DIRAS1: variants seen among roughly 807,000 people sequenced by gnomAD.
DIRAS1 encodes DIRAS family GTPase 1.
A neutral mutation model predicts 11.5 loss-of-function variants in DIRAS1; 3 were observed. That is an observed-to-expected ratio of 0.26 (90% CI 0.12 to 0.67). The LOEUF is 0.67. Among genes scored for constraint, DIRAS1 ranks in the 30% least tolerant of loss-of-function variants. The pLI is 0.80. For missense variants in DIRAS1, 212 were observed against 285.3 expected, an observed-to-expected ratio of 0.74 and a Z score of 1.85; for synonymous variants, 128 against 125.8, an observed-to-expected ratio of 1.02 and a Z score of -0.12.
chr19:2,720,866 C>T (rs1187608853), intron 1 of DIRAS1, among the ~76,000 whole-genome samples: 2 of 151,924 alleles, frequency 1.3e-5, no homozygotes, highest in East Asian at 3.9e-4. Context: ...AGCCCAGGGG[C>T]GACCCTTGAC....
In DIRAS1 at chr19:2,716,930, T is replaced by A; in HGVS notation, c.*280A>T. Reference sequence around the variant, plus strand: ...AGCTCCTCTTGCCAGCTCCCCATCCTGTTTTCCCATCTGCAGGACAAGGGG... The same window carrying A: ...AGCTCCTCTTGCCAGCTCCCCATCCAGTTTTCCCATCTGCAGGACAAGGGG... On this transcript the variant is annotated 3_prime_UTR_variant, in exon 2 of 2. Coordinates refer to ENST00000323469, the MANE Select transcript of DIRAS1 (RefSeq NM_145173.4). 1 of 419,766 alleles carries A rather than the reference T, an allele frequency of 2.4e-6. No homozygotes were observed. Among genetic ancestry groups the A allele is most frequent in the Non-Finnish European group, 4.2e-6 (1 of 236,184 alleles). The allele number at this position is 419,766 out of a possible 1,614,324, so 26.0% of individuals were successfully genotyped here. A position where few individuals can be genotyped will look rare whatever the true frequency, so the allele number is the denominator to read the frequency against.
rs916949696 is a variant in DIRAS1, at chr19:2,715,768, A to T, written c.*1442T>A. On this transcript the variant is annotated 3_prime_UTR_variant, in exon 2 of 2. Coordinates refer to ENST00000323469, the MANE Select transcript of DIRAS1 (RefSeq NM_145173.4). ...GAGTCATGTTGCTATAGAGTGGAAC[A>T]CAGATCGTGTCCCTCAATCAGGACA... is the stretch of plus-strand genomic sequence containing the variant. The T allele has an allele frequency of 6.6e-5, 10 of 152,374 alleles. No homozygotes were observed. Among genetic ancestry groups the T allele is most frequent in the African/African-American group, 2.2e-4 (9 of 41,584 alleles). 9.4% of individuals were successfully genotyped at this position (152,374 alleles called of 1,614,324 possible).
chr19:2,717,897 A>T, intron 1 of DIRAS1, 22 bp from the exon 2 acceptor site: 1 of 1,338,726 alleles, frequency 7.5e-7, no homozygotes, highest in Non-Finnish European at 1.0e-6. Context: ...GGAGGGTCAC[A>T]CGTCAAAGGC....
Position 2,715,242 on chromosome 19 carries a change from G to C in DIRAS1, c.*1968C>G, listed in dbSNP as rs1008981858. 6.6e-6 allele frequency: 1 copy of C among 151,950 alleles called. No homozygotes were observed. Among genetic ancestry groups the C allele is most frequent in the East Asian group, 1.9e-4 (1 of 5,200 alleles). 9.4% of individuals were successfully genotyped at this position (151,950 alleles called of 1,614,324 possible). On this transcript the variant is annotated 3_prime_UTR_variant, in exon 2 of 2. Coordinates refer to ENST00000323469, the MANE Select transcript of DIRAS1 (RefSeq NM_145173.4). The stretch of plus-strand genomic sequence containing the variant: ...TCCCACCTGGCCACATGACTACAGA[G>C]ACACATGTGTGCAATCTCTCTCTCT...
At chr19:2,719,383 A>G (rs1913901370) in intron 1 of DIRAS1, among the ~76,000 whole-genome samples, 1 of 151,980 alleles carries the variant, frequency 6.6e-6, no homozygotes, top group Non-Finnish European at 1.5e-5. Context: ...TCCTTAGAAT[A>G]GCACTTCCTG....
At position 2,717,244 on chromosome 19, in the gene DIRAS1, G is replaced by T; in HGVS notation, c.563C>A (p.Thr188Lys). The change falls in exon 2 of 2, where the codon ACA (threonine) becomes AAA (lysine). Residue 188 changes from threonine (T) to lysine (K), a missense_variant. Around this residue, in one of 2 missense-constraint regions of DIRAS1, gnomAD observed 84 missense variants for 79.9 expected, o/e 1.05. Coordinates refer to ENST00000323469, the MANE Select transcript of DIRAS1 (RefSeq NM_145173.4). ...GGTGCATTTGCCCTTGACGCGGTCT[G>T]TCCTCTTCTGCTTCCCGGAGCGCTT... ...DGKRSGKQKR[T>K]DRVKGKCTLM The T allele has an allele frequency of 6.2e-7, 1 of 1,608,530 alleles. No homozygotes were observed.
In DIRAS1 at chr19:2,718,159, C is replaced by T. The variant is rs1913871976; in HGVS notation, c.-69-284G>A. 2.0e-5 allele frequency among the ~76,000 whole-genome samples: 3 copies of T among 152,332 alleles called. No individual in the cohort carries two copies. The South Asian group carries it at 6.2e-4, about 32-fold the overall frequency. On this transcript the variant is annotated intron_variant, in intron 1 of 1. Transcript: ENST00000323469. This position sits in a 1 kb window ranked among gnomAD's most constrained non-coding sequence, Gnocchi z 4.2. ...GGCGTGGGAGACGCCGGGATGCCCA[C>T]GAAACTCCTTCCCCGGGTGTGGGTG... is the stretch of plus-strand genomic sequence containing the variant.
intron 1 of DIRAS1, among the ~76,000 whole-genome samples, chr19:2,719,800 A>T (rs970859381): frequency 6.6e-6 from 1 of 152,152 alleles, no homozygotes; most frequent in African/African-American, 2.4e-5. Context: ...TGGGGCAAGT[A>T]AGGTGACAAG....
rs182082713 is a variant in DIRAS1, at chr19:2,717,084, C to T, written c.*126G>A. 2.7e-4 allele frequency: 289 copies of T among 1,071,864 alleles called. No homozygotes were observed. In the African/African-American group the frequency reaches 4.3e-3, roughly 16 times the overall value. 66.4% of individuals were successfully genotyped at this position (1,071,864 alleles called of 1,614,324 possible). A position where few individuals can be genotyped will look rare whatever the true frequency, so the allele number is the denominator to read the frequency against. On this transcript the variant is annotated 3_prime_UTR_variant, in exon 2 of 2. Coordinates refer to ENST00000323469, the MANE Select transcript of DIRAS1 (RefSeq NM_145173.4). ...GCAGCGGAGGGGGGGGCGGTGGCCT[C>T]GGTTTCCCCAGCCGAGGTGTCGGAG...
chr19:2,716,291 C>T lies in DIRAS1; in HGVS notation c.*919G>A, dbSNP rs904908055. ...GTGGGGCAGACCTCTGTCCGGGGCG[C>T]CCTCGGATCCTGCTGGTGCTGGCTC... On this transcript the variant is annotated 3_prime_UTR_variant, in exon 2 of 2. Transcript: ENST00000323469. 2 of 152,340 alleles carry T rather than the reference C, an allele frequency of 1.3e-5. No individual in the cohort carries two copies. Among genetic ancestry groups the T allele is most frequent in the Admixed American group, 6.5e-5 (1 of 15,284 alleles). The allele number at this position is 152,340 out of a possible 1,614,324, so 9.4% of individuals were successfully genotyped here.
chr19:2,717,642 G>GCA lies in DIRAS1; in HGVS notation c.163_164dup (p.Thr56AlafsTer62), dbSNP rs919029147. Reference sequence around the variant, plus strand: ...CGGTGGTGTCTGTGATCTGCAGCGTGCACACGCTCTTGTCGCAGCTGATCA... The same window carrying GCA: ...CGGTGGTGTCTGTGATCTGCAGCGTGCACACACGCTCTTGTCGCAGCTGATCA... On this transcript the variant is annotated frameshift_variant, in exon 2 of 2. Coordinates refer to ENST00000323469, the MANE Select transcript of DIRAS1 (RefSeq NM_145173.4). LOFTEE classifies it high-confidence loss of function. The GCA allele has an allele frequency of 6.2e-7, 1 of 1,613,076 alleles. No individual in the cohort carries two copies. The highest frequency in any genetic ancestry group is 8.5e-7 in the Non-Finnish European group (1 of 1,180,016).
chr19:2,719,267 A>AATAC (rs1913898414), intron 1 of DIRAS1: 4 of 152,368 alleles, frequency 2.6e-5, no homozygotes, highest in Admixed American at 2.6e-4. Flanking sequence ...GGTGGGACAC[A>AATAC]AAAATACAAA....
In DIRAS1 at chr19:2,717,559, A is replaced by G; in HGVS notation, c.248T>C (p.Ile83Thr). 1.2e-6 allele frequency: 2 copies of G among 1,613,142 alleles called. No homozygotes were observed. The highest frequency in any genetic ancestry group is 2.2e-5 in the East Asian group (1 of 44,878). Residue 83 changes from isoleucine to threonine, a missense_variant, in exon 2 of 2, where the codon ATC (isoleucine) becomes ACC (threonine). Around this residue, in one of 2 missense-constraint regions of DIRAS1, gnomAD observed 128 missense variants for 205.3 expected, o/e 0.62. Coordinates refer to ENST00000323469, the MANE Select transcript of DIRAS1 (RefSeq NM_145173.4). ...RLSISKGHAF[I>T]LVFSVTSKQS... ...CTTGCTGGTGACGGAGAACACCAGG[A>G]TGAAGGCGTGGCCCTTGGAGATGGA...
intron 1 of DIRAS1, among the ~76,000 whole-genome samples, chr19:2,720,421 G>C (rs985116938): frequency 2.0e-5 from 3 of 152,250 alleles, no homozygotes; most frequent in African/African-American, 7.2e-5. Context: ...CCACCGCCTG[G>C]GGGGTGCGGG....
Position 2,717,657 on chromosome 19 carries a change from G to T in DIRAS1, c.150C>A (p.Cys50Ter). 1.9e-6 allele frequency: 3 copies of T among 1,612,998 alleles called. No homozygotes were observed. Among genetic ancestry groups the T allele is most frequent in the Non-Finnish European group, 1.7e-6 (2 of 1,180,020 alleles). ...TCTGCAGCGTGCACACGCTCTTGTC[G>T]CAGCTGATCACCTGCCGGTAGGTGT... ...IEDTYRQVIS[C>*]DKSVCTLQIT... The change falls in exon 2 of 2, where the codon TGC (cysteine) becomes TGA (stop). Residue 50 changes from cysteine (C) to a stop codon, truncating the protein, a stop_gained. Transcript: ENST00000323469. LOFTEE classifies it high-confidence loss of function.
rs1263084281 is a variant in DIRAS1, at chr19:2,714,935, G to A, written c.*2275C>T. ...AGCCTCACTCTCTCCGGCACCTTCA[G>A]AACCCAGAAGCTACTGCCAGGACAG... On this transcript the variant is annotated 3_prime_UTR_variant, in exon 2 of 2. Transcript: ENST00000323469. 1 of 152,708 alleles carries A rather than the reference G, an allele frequency of 6.5e-6. No homozygotes were observed. Among genetic ancestry groups the A allele is most frequent in the African/African-American group, 2.4e-5 (1 of 41,462 alleles). 9.5% of individuals were successfully genotyped at this position (152,708 alleles called of 1,614,324 possible).
At position 2,717,709 on chromosome 19, in the gene DIRAS1, C is replaced by T. The variant is rs746952074; in HGVS notation, c.98G>A (p.Arg33His). ...CTCGATGGTGGGGATGTAGGTGTCG[C>T]GGAACGTGCCCTTCACGAAGCGCAG... is the stretch of plus-strand genomic sequence containing the variant. Reference protein sequence around the residue: ...LVLRFVKGTFRDTYIPTIEDT... With the variant: ...LVLRFVKGTFHDTYIPTIEDT... Residue 33 changes from arginine (R) to histidine (H), a missense_variant, in exon 2 of 2, where the codon CGC becomes CAC. Coordinates refer to ENST00000323469, the MANE Select transcript of DIRAS1 (RefSeq NM_145173.4). 8.1e-6 allele frequency: 13 copies of T among 1,609,832 alleles called. No individual in the cohort carries two copies. Among genetic ancestry groups the T allele is most frequent in the Admixed American group, 1.7e-5 (1 of 60,022 alleles).
At chr19:2,720,741 G>A (rs982148131) in intron 1 of DIRAS1, among the ~76,000 whole-genome samples, 1 of 152,154 alleles carries the variant, frequency 6.6e-6, no homozygotes, top group South Asian at 2.1e-4. Flanking sequence ...CGGGGGTCAC[G>A]CCTGACCAAG....
Position 2,715,382 on chromosome 19 carries a change from C to T in DIRAS1, c.*1828G>A, listed in dbSNP as rs73920501. 2.6e-5 allele frequency: 4 copies of T among 152,318 alleles called. No individual in the cohort carries two copies. Among genetic ancestry groups the T allele is most frequent in the Middle Eastern group, 3.4e-3 (1 of 294 alleles). 9.4% of individuals were successfully genotyped at this position (152,318 alleles called of 1,614,324 possible). On this transcript the variant is annotated 3_prime_UTR_variant, in exon 2 of 2. Coordinates refer to ENST00000323469, the MANE Select transcript of DIRAS1 (RefSeq NM_145173.4). The stretch of plus-strand genomic sequence containing the variant: ...AACTTAGCTGCCATGCTCCGAGCCC[C>T]GCTGTGGAGAGACCCACATGGTACA...
Sources: gnomAD v4.1 joint callset for allele counts (sites outside exome capture counted in the v4.1 genomes callset) on GRCh38, gnomAD v4.1.1 for gene constraint, gnomAD v4.1.1 regional missense constraint, Gnocchi (gnomAD v3.1) non-coding constraint, MANE v1.5 for transcripts, NCBI Gene and HGNC (gene_info 2026-07-23, HGNC 2026-07-21) for gene names.